Variants in RYR2 observed in about 807,000 individuals in gnomAD.
RYR2 encodes the protein cardiac muscle ryanodine receptor-calcium release channel.
RYR2 carries 227 observed loss-of-function variants against 601.1 expected under a neutral mutation model. The ratio of observed to expected loss-of-function variants is 0.38; its 90% CI spans 0.34 to 0.42. The LOEUF is 0.42. RYR2 is among the 10% of genes least tolerant of loss of function. The pLI, the probability that RYR2 is intolerant of heterozygous loss-of-function variation, is 1.00. For missense variants in RYR2, 4,646 were observed against 6,156.5 expected (o/e 0.75, Z 8.21); for synonymous variants, 2,223 against 2,175.1 (o/e 1.02, Z -0.61).
At chr1:237,127,424 C>A (rs1671579086) in intron 1 of RYR2, among the ~76,000 whole-genome samples, 1 of 150,770 alleles carries the variant, frequency 6.6e-6, no homozygotes, top group Non-Finnish European at 1.5e-5. Flanking sequence ...CTGACCCCCC[C>A]ACCTCCCTCC....
intron 1 of RYR2, among the ~76,000 whole-genome samples, chr1:237,260,562 G>A (rs752551453): frequency 1.3e-5 from 2 of 152,110 alleles, no homozygotes; most frequent in African/African-American, 2.4e-5. Context: ...ATGGGGTGCC[G>A]TGGGTCACAC....
chr1:237,594,886 G>GTTTTTTTTGTTTTTTTTTTTT (rs1675642723), intron 33 of RYR2, among the ~76,000 whole-genome samples: 6 of 60,420 alleles, frequency 9.9e-5, no homozygotes, highest in South Asian at 7.1e-4. Flanking sequence ...ATATCACTGG[G>GTTTTTTTTGTTTTTTTTTTTT]TTTTTTTTTT....
intron 1 of RYR2, among the ~76,000 whole-genome samples, chr1:237,157,295 C>CAAAAAA (rs33922740): frequency 2.4e-3 from 154 of 63,412 alleles, no homozygotes; most frequent in Non-Finnish European, 3.0e-3. Flanking sequence ...GACTCCATCT[C>CAAAAAA]AAAAAAAAAA....
chr1:237,712,205 T>G (rs1469333593), intron 71 of RYR2, among the ~76,000 whole-genome samples: 1 of 151,898 alleles, frequency 6.6e-6, no homozygotes, highest in African/African-American at 2.4e-5. Context: ...CTGGAAGGAA[T>G]GGACAAGGCA....
At chr1:237,755,739 G>C (rs977133148) in intron 80 of RYR2, among the ~76,000 whole-genome samples, 1 of 151,984 alleles carries the variant, frequency 6.6e-6, no homozygotes, top group Admixed American at 6.6e-5. Flanking sequence ...TATTCTTTGG[G>C]GGTGACTGGG....
At chr1:237,213,850 A>T (rs1158938066) in intron 1 of RYR2, among the ~76,000 whole-genome samples, 4 of 135,886 alleles carry the variant, frequency 2.9e-5, no homozygotes, top group African/African-American at 1.1e-4. Context: ...GAGAGCTTTA[A>T]TTTTTTTTTC....
intron 80 of RYR2, among the ~76,000 whole-genome samples, chr1:237,742,751 T>C (rs1357151): frequency 6.6e-6 from 1 of 152,200 alleles, no homozygotes; most frequent in African/African-American, 2.4e-5. Flanking sequence ...TCTTAAAGAT[T>C]TGGCCTTAAA....
chr1:237,144,124 G>T (rs541646898), intron 1 of RYR2, among the ~76,000 whole-genome samples: 1 of 151,142 alleles, frequency 6.6e-6, no homozygotes, highest in African/African-American at 2.4e-5. Flanking sequence ...GTGAGACTCT[G>T]TCTCAAAAAA....
intron 84 of RYR2, among the ~76,000 whole-genome samples, chr1:237,764,675 G>A (rs1364399468): frequency 2.0e-5 from 3 of 151,776 alleles, no homozygotes; most frequent in African/African-American, 7.3e-5. Flanking sequence ...TTGAACTCCT[G>A]ACCTCAGGTG....
chr1:237,464,399 AG>A (rs1271182702), intron 16 of RYR2, among the ~76,000 whole-genome samples: 1 of 126,206 alleles, frequency 7.9e-6, no homozygotes, highest in Non-Finnish European at 1.8e-5. Flanking sequence ...ATTCTTATTG[AG>A]CATTTGTGAT....
chr1:237,818,792 C>T (rs1472927603), intron 100 of RYR2, among the ~76,000 whole-genome samples: 1 of 151,430 alleles, frequency 6.6e-6, no homozygotes, highest in East Asian at 1.9e-4. Context: ...TCCATTTTCT[C>T]CAAAGTGAGA....
intron 4 of RYR2, among the ~76,000 whole-genome samples, chr1:237,358,505 C>T (rs1458939935): frequency 2.0e-5 from 3 of 151,880 alleles, no homozygotes; most frequent in Non-Finnish European, 2.9e-5. Flanking sequence ...TCTCTGTGGG[C>T]GCTTGGCATT....
At chr1:237,274,046 A>G (rs1689998479) in intron 2 of RYR2, among the ~76,000 whole-genome samples, 1 of 146,776 alleles carries the variant, frequency 6.8e-6, no homozygotes, top group Non-Finnish European at 1.5e-5. Context: ...TATAATATTT[A>G]TAATATATTA....
intron 4 of RYR2, among the ~76,000 whole-genome samples, chr1:237,357,901 T>C (rs1373860017): frequency 2.0e-5 from 3 of 152,228 alleles, no homozygotes; most frequent in African/African-American, 7.2e-5. Context: ...AATAAAAAGA[T>C]TCTGCTGGGT....
chr1:237,181,182 C>A (rs1249612184), intron 1 of RYR2, among the ~76,000 whole-genome samples: 1 of 151,996 alleles, frequency 6.6e-6, no homozygotes, highest in Non-Finnish European at 1.5e-5. Flanking sequence ...TGGAGTTTTA[C>A]CATTTTGCCC....
intron 36 of RYR2, among the ~76,000 whole-genome samples, chr1:237,613,569 G>A (rs1170607822): frequency 6.6e-6 from 1 of 152,156 alleles, no homozygotes; most frequent in Non-Finnish European, 1.5e-5. Context: ...TACAATGGAG[G>A]AGGAAGGAGG....
chr1:237,185,984 A>C (rs773415686), intron 1 of RYR2, among the ~76,000 whole-genome samples: 1 of 152,146 alleles, frequency 6.6e-6, no homozygotes, highest in Non-Finnish European at 1.5e-5. Context: ...GCACTGACAC[A>C]AATCTATCCC....
At chr1:237,383,671 T>C (rs373440344) in intron 8 of RYR2, among the ~76,000 whole-genome samples, 16 of 152,004 alleles carry the variant, frequency 1.1e-4, no homozygotes, top group Admixed American at 2.0e-4. Context: ...CCTCGTGATC[T>C]GCCCGCCTTG....
At chr1:237,632,419 G>T (rs923353771) in intron 42 of RYR2, among the ~76,000 whole-genome samples, 2 of 144,312 alleles carry the variant, frequency 1.4e-5, no homozygotes, top group African/African-American at 5.1e-5. Context: ...TTTTGAGACG[G>T]AGTCTCAGTC....
Sources: allele counts gnomAD v4.1 joint callset (sites outside exome capture counted in the v4.1 genomes callset), GRCh38; gene constraint gnomAD v4.1.1; transcripts MANE v1.5; gene names NCBI Gene and HGNC (gene_info 2026-07-23, HGNC 2026-07-21).